GNAQ: variants seen among roughly 807,000 people sequenced by gnomAD.
The protein encoded by GNAQ is guanine nucleotide-binding protein G(q) subunit alpha.
Under a neutral mutation model 43.9 loss-of-function variants are expected in GNAQ, and 8 were observed. The ratio of observed to expected loss-of-function variants is 0.18; its 90% confidence interval spans 0.11 to 0.33. GNAQ has a LOEUF of 0.33. Ranked by LOEUF, GNAQ falls within the 10% of genes least tolerant of loss-of-function variation. The probability of loss-of-function intolerance (pLI) is 1.00; values close to 1 mark genes in which losing one functional copy is unlikely to be tolerated. For missense variants in GNAQ, 158 were observed against 450.8 expected, an observed-to-expected ratio of 0.35 and a Z score of 5.88; for synonymous variants, 155 against 170.7, an observed-to-expected ratio of 0.91 and a Z score of 0.71.
intron 1 of GNAQ, among the ~76,000 whole-genome samples, chr9:77,944,037 T>G (rs991774721): frequency 3.3e-5 from 5 of 152,066 alleles, no homozygotes; most frequent in Non-Finnish European, 7.4e-5. Flanking sequence ...TAGAAGAACA[T>G]TCAATAGTGA....
chr9:77,849,941 C>T (rs1356661299), intron 2 of GNAQ, among the ~76,000 whole-genome samples: 1 of 152,138 alleles, frequency 6.6e-6, no homozygotes, highest in African/African-American at 2.4e-5. Context: ...CTTGCCCAGC[C>T]CTTGACAGTA....
intron 2 of GNAQ, among the ~76,000 whole-genome samples, chr9:77,903,262 T>C (rs548774813): frequency 1.3e-5 from 2 of 152,064 alleles, no homozygotes; most frequent in Admixed American, 6.6e-5. Context: ...GCTGCAAGGA[T>C]GGACCTGAAT....
At chr9:77,864,156 G>A (rs1827909485) in intron 2 of GNAQ, among the ~76,000 whole-genome samples, 2 of 150,018 alleles carry the variant, frequency 1.3e-5, no homozygotes, top group Admixed American at 6.6e-5. Context: ...AAGAGGGGAG[G>A]AAGGTGCCAG....
intron 2 of GNAQ, among the ~76,000 whole-genome samples, chr9:77,841,424 C>G (rs1326074679): frequency 6.6e-6 from 1 of 152,148 alleles, no homozygotes; most frequent in East Asian, 1.9e-4. Context: ...ACCAGCACGG[C>G]CACAGAGAAA....
At chr9:77,825,218 C>T (rs1278290838) in intron 2 of GNAQ, among the ~76,000 whole-genome samples, 1 of 152,124 alleles carries the variant, frequency 6.6e-6, no homozygotes, top group African/African-American at 2.4e-5. Context: ...TCTAAAAAAA[C>T]TTATTATGGC....
intron 5 of GNAQ, among the ~76,000 whole-genome samples, chr9:77,738,442 T>A (rs1026298751): frequency 6.6e-6 from 1 of 152,200 alleles, no homozygotes; most frequent in Non-Finnish European, 1.5e-5. Context: ...ATCATAAAAT[T>A]AATATGTGGT....
chr9:77,904,308 T>C (rs982335062), intron 2 of GNAQ, among the ~76,000 whole-genome samples: 3 of 145,486 alleles, frequency 2.1e-5, no homozygotes, highest in African/African-American at 7.6e-5. Context: ...TAACAGAAGT[T>C]CACACCGGCT....
At chr9:77,983,828 T>C (rs1823398705) in intron 1 of GNAQ, among the ~76,000 whole-genome samples, 1 of 152,002 alleles carries the variant, frequency 6.6e-6, no homozygotes, top group South Asian at 2.1e-4. Flanking sequence ...GGGAGGACTC[T>C]TTCCTAGGAA....
intron 2 of GNAQ, among the ~76,000 whole-genome samples, chr9:77,906,162 C>T (rs796597231): frequency 3.5e-4 from 54 of 152,188 alleles, no homozygotes; most frequent in African/African-American, 1.2e-3. Flanking sequence ...ATTAGTATCT[C>T]CAGAACAACC....
Position 77,849,770 on chromosome 9 carries a change from G to A in GNAQ, c.322-34000C>T, listed in dbSNP as rs545423642. Among the ~76,000 whole-genome samples the A allele has an allele frequency of 1.5e-4, 23 of 152,210 alleles. No homozygotes were observed. In the East Asian group the frequency reaches 3.3e-3, roughly 22 times the overall value. The stretch of plus-strand genomic sequence containing the variant: ...CAACCTCAACCTCCTAGGCTCAAGC[G>A]ATCCTCTCACCTCAGCCTCCTGAGT... On this transcript the variant is annotated intron_variant, in intron 2 of 6. Coordinates refer to ENST00000286548, the MANE Select transcript of GNAQ (RefSeq NM_002072.5).
chr9:77,888,661 A>C (rs978896486), intron 2 of GNAQ, among the ~76,000 whole-genome samples: 1 of 152,216 alleles, frequency 6.6e-6, no homozygotes, highest in Non-Finnish European at 1.5e-5. Flanking sequence ...TGAAAAATCC[A>C]GACTGAGTCT....
intron 3 of GNAQ, among the ~76,000 whole-genome samples, chr9:77,804,023 C>A (rs1302341628): frequency 6.6e-6 from 1 of 152,014 alleles, no homozygotes; most frequent in Non-Finnish European, 1.5e-5. Context: ...AATAATATGC[C>A]CAAATCAATA....
chr9:77,971,425 T>C (rs1428822459), intron 1 of GNAQ, among the ~76,000 whole-genome samples: 1 of 152,176 alleles, frequency 6.6e-6, no homozygotes, highest in Non-Finnish European at 1.5e-5. Flanking sequence ...AAAAAGCTTA[T>C]CTACCACAAT....
In GNAQ at chr9:77,794,481, G is replaced by C. The variant is rs996309599; in HGVS notation, c.717C>G (p.Leu239=). The part of the protein sequence containing the change: ...LVALSEYDQV[L]VESDNENRME... ...CACTTACCTCATTGTCTGACTCCAC[G>C]AGAACTTGATCATATTCACTAAGCG... is the stretch of plus-strand genomic sequence containing the variant. Residue 239 remains leucine, a synonymous_variant, in exon 5 of 7, where the codon CTC becomes CTG. Coordinates refer to ENST00000286548, the MANE Select transcript of GNAQ (RefSeq NM_002072.5). 8 of 1,598,720 alleles carry C rather than the reference G, an allele frequency of 5.0e-6. No homozygotes were observed. The highest frequency in any genetic ancestry group is 6.0e-6 in the Non-Finnish European group (7 of 1,168,980).
chr9:78,007,977 C>T (rs1006879275), intron 1 of GNAQ, among the ~76,000 whole-genome samples: 1 of 152,106 alleles, frequency 6.6e-6, no homozygotes, highest in African/African-American at 2.4e-5. Flanking sequence ...TTCTCATGAG[C>T]AAGAGAGAAG....
At chr9:77,923,629 G>A (rs1393940954) in intron 1 of GNAQ, among the ~76,000 whole-genome samples, 1 of 152,046 alleles carries the variant, frequency 6.6e-6, no homozygotes, top group African/African-American at 2.4e-5. Flanking sequence ...AACAATAACT[G>A]TCTTTACCTT....
intron 1 of GNAQ, among the ~76,000 whole-genome samples, chr9:77,990,895 C>T (rs1451294149): frequency 6.6e-6 from 1 of 152,146 alleles, no homozygotes; most frequent in Non-Finnish European, 1.5e-5. Context: ...GAATGCTTTC[C>T]TTGTGTAACT....
Position 78,031,152 on chromosome 9 carries a change from C to T in GNAQ, c.84G>A (p.Gln28=). ...GGGCGTCCCGCTTGTCCCTGCGGAG[C>T]TGCCGCTCGATCTCGTCGTTGATCC... ...ARRINDEIER[Q]LRRDKRDARR... Residue 28 remains glutamine (Q), a synonymous_variant, in exon 1 of 7, where the codon CAG becomes CAA. Coordinates refer to ENST00000286548, the MANE Select transcript of GNAQ (RefSeq NM_002072.5). The T allele has an allele frequency of 6.5e-7, 1 of 1,550,048 alleles. No individual in the cohort carries two copies. The highest frequency in any genetic ancestry group is 8.7e-7 in the Non-Finnish European group (1 of 1,149,132).
At chr9:77,804,739 C>A (rs971392186) in intron 3 of GNAQ, among the ~76,000 whole-genome samples, 5 of 152,120 alleles carry the variant, frequency 3.3e-5, no homozygotes, top group African/African-American at 1.2e-4. Context: ...ATGTAAGGGC[C>A]TCCTATAGAG....
Sources: gnomAD v4.1 joint callset for allele counts (sites outside exome capture counted in the v4.1 genomes callset) on GRCh38, gnomAD v4.1.1 for gene constraint, MANE v1.5 for transcripts, NCBI Gene and HGNC (gene_info 2026-07-23, HGNC 2026-07-21) for gene names.